Variants in RTN1 observed in about 807,000 individuals in gnomAD.
The protein encoded by RTN1 is reticulon-1.
RTN1 carries 25 observed loss-of-function variants against 65.5 expected under a neutral mutation model. The observed-to-expected ratio is 0.38, with a 90% CI of 0.28 to 0.53. The LOEUF (loss-of-function observed/expected upper bound fraction) is 0.53. Among genes scored for constraint, RTN1 ranks in the 20% least tolerant of loss-of-function variants. The pLI is 0.79. For missense variants in RTN1, 983 were observed against 1,025.4 expected (o/e 0.96, Z 0.57); for synonymous variants, 471 against 447.6 (o/e 1.05, Z -0.66).
Position 59,809,454 on chromosome 14 carries a change from T to C in RTN1, c.241+60936A>G, listed in dbSNP as rs1313981123. ...TATAGTATTCCTCTCTATAAGTATG[T>C]TGGAATTTCCCAACATTTCACACCA... is the stretch of plus-strand genomic sequence containing the variant. On this transcript the variant is annotated intron_variant, in intron 1 of 8. Transcript: ENST00000267484. Among the ~76,000 whole-genome samples, 3 of 152,058 alleles carry C rather than the reference T, an allele frequency of 2.0e-5. No individual in the cohort carries two copies. The East Asian group carries it at 5.8e-4, about 29-fold the overall frequency.
At chr14:59,648,590 T>C (rs1882952408) in intron 3 of RTN1, among the ~76,000 whole-genome samples, 1 of 152,212 alleles carries the variant, frequency 6.6e-6, no homozygotes, top group Non-Finnish European at 1.5e-5. Flanking sequence ...TAATCCACCA[T>C]GATCAAGAAG....
At chr14:59,750,870 T>A (rs1885505148) in intron 1 of RTN1, among the ~76,000 whole-genome samples, 1 of 148,356 alleles carries the variant, frequency 6.7e-6, no homozygotes, top group Non-Finnish European at 1.5e-5. Context: ...TGCACCAGCA[T>A]GACTGGCTAA....
intron 3 of RTN1, among the ~76,000 whole-genome samples, chr14:59,660,798 T>C (rs1883227743): frequency 6.6e-6 from 1 of 151,628 alleles, no homozygotes; most frequent in South Asian, 2.1e-4. Flanking sequence ...GACCTAAAAT[T>C]TACACCCTAA....
chr14:59,605,568 A>T, intron 4 of RTN1, 62 bp from the exon 5 acceptor site: 1 of 1,565,408 alleles, frequency 6.4e-7, no homozygotes, highest in East Asian at 2.2e-5. Flanking sequence ...AGGCTGCCGA[A>T]CCCCAGTAAC....
intron 1 of RTN1, among the ~76,000 whole-genome samples, chr14:59,861,508 G>C (rs1328526196): frequency 6.6e-6 from 1 of 152,182 alleles, no homozygotes; most frequent in Non-Finnish European, 1.5e-5. Context: ...TGTCAAGTTA[G>C]GGGCACTGTT....
At chr14:59,826,885 G>GA (rs932208735) in intron 1 of RTN1, among the ~76,000 whole-genome samples, 1 of 151,464 alleles carries the variant, frequency 6.6e-6, no homozygotes, top group African/African-American at 2.4e-5. Context: ...GATGAGTGCA[G>GA]AAAAAAAATG....
chr14:59,705,791 G>A (rs1249360325), intron 3 of RTN1, among the ~76,000 whole-genome samples: 1 of 152,168 alleles, frequency 6.6e-6, no homozygotes, highest in Admixed American at 6.5e-5. Flanking sequence ...TTGCAGGCAA[G>A]CACTGTGTCT....
chr14:59,639,903 T>G (rs1308192415), intron 3 of RTN1, among the ~76,000 whole-genome samples: 1 of 152,232 alleles, frequency 6.6e-6, no homozygotes, highest in Non-Finnish European at 1.5e-5. Flanking sequence ...CATTTTAATA[T>G]ATCACTATTC....
At chr14:59,713,153 A>ACT (rs1884459743) in intron 3 of RTN1, among the ~76,000 whole-genome samples, 1 of 152,116 alleles carries the variant, frequency 6.6e-6, no homozygotes, top group East Asian at 1.9e-4. Flanking sequence ...AGCTAGTAGT[A>ACT]AGTGGAGAAG....
chr14:59,843,918 T>A (rs561630993), intron 1 of RTN1, among the ~76,000 whole-genome samples: 13 of 152,334 alleles, frequency 8.5e-5, no homozygotes, highest in African/African-American at 3.1e-4. Flanking sequence ...AAAAGAGATT[T>A]ATATTAAGAA....
intron 3 of RTN1, among the ~76,000 whole-genome samples, chr14:59,705,628 A>G (rs1884275408): frequency 6.6e-6 from 1 of 152,206 alleles, no homozygotes; most frequent in Non-Finnish European, 1.5e-5. Context: ...ATATGAGAAA[A>G]CAGGCATAGA....
Position 59,783,681 on chromosome 14 carries a change from C to G in RTN1, c.242-37200G>C, listed in dbSNP as rs544475545. On this transcript the variant is annotated intron_variant, in intron 1 of 8. Coordinates refer to ENST00000267484, the MANE Select transcript of RTN1 (RefSeq NM_021136.3). ...GTGAGAGCAAGCCTTCTGCTTTTCC[C>G]TAGAATAAGGGAGAAGGGAGTGGGG... is the stretch of plus-strand genomic sequence containing the variant. Among the ~76,000 whole-genome samples the G allele has an allele frequency of 8.5e-5, 13 of 152,194 alleles. 1 individual carries two copies. In the South Asian group the frequency reaches 2.7e-3, roughly 32 times the overall value.
At chr14:59,610,567 T>G (rs1251892611) in intron 3 of RTN1, among the ~76,000 whole-genome samples, 1 of 152,206 alleles carries the variant, frequency 6.6e-6, no homozygotes, top group Non-Finnish European at 1.5e-5. Flanking sequence ...GTGAATGAGA[T>G]CTAATTAACT....
intron 1 of RTN1, among the ~76,000 whole-genome samples, chr14:59,759,833 T>C (rs1284474566): frequency 6.6e-6 from 1 of 151,976 alleles, no homozygotes; most frequent in African/African-American, 2.4e-5. Context: ...TTGAAAAAAA[T>C]TCAAAAGAGT....
chr14:59,686,374 T>C (rs373659097), intron 3 of RTN1, among the ~76,000 whole-genome samples: 1 of 152,164 alleles, frequency 6.6e-6, no homozygotes, highest in East Asian at 1.9e-4. Context: ...GTCAACAGAA[T>C]GAAGAGACTA....
At chr14:59,613,489 G>A (rs1008503803) in intron 3 of RTN1, among the ~76,000 whole-genome samples, 24 of 152,102 alleles carry the variant, frequency 1.6e-4, no homozygotes, top group African/African-American at 5.5e-4. Flanking sequence ...TAGTAGAGAT[G>A]GGTTTTCACC....
intron 3 of RTN1, among the ~76,000 whole-genome samples, chr14:59,720,323 A>G (rs1258182656): frequency 6.6e-6 from 1 of 152,184 alleles, no homozygotes; most frequent in East Asian, 1.9e-4. Context: ...AAGAAAAGCC[A>G]TGAATTCAGC....
intron 3 of RTN1, among the ~76,000 whole-genome samples, chr14:59,653,388 G>GA (rs35292779): frequency 0.8 from 121,891 of 152,032 alleles, 48,957 homozygotes; most frequent in Admixed American, 0.86. Flanking sequence ...ACTCACTTTC[G>GA]AAAAATTCTA....
intron 1 of RTN1, among the ~76,000 whole-genome samples, chr14:59,748,217 T>TTTTTG (rs1274328257): frequency 2.0e-5 from 3 of 151,510 alleles, no homozygotes; most frequent in African/African-American, 4.9e-5. Context: ...GAGGTTTTTT[T>TTTTTG]TTTTTTTTTT....
Sources: allele counts gnomAD v4.1 joint callset (sites outside exome capture counted in the v4.1 genomes callset), GRCh38; gene constraint gnomAD v4.1.1; transcripts MANE v1.5; gene names NCBI Gene and HGNC (gene_info 2026-07-23, HGNC 2026-07-21).